Variants in RBFOX1 observed in about 807,000 individuals in gnomAD.
RBFOX1 encodes RNA binding fox-1 homolog 1.
In RBFOX1, 8 loss-of-function variants were observed where a neutral mutation model predicts 57.7. That is an observed-to-expected ratio of 0.14 (90% CI 0.08 to 0.25). The LOEUF is 0.25. Among genes scored for constraint, RBFOX1 ranks in the 10% least tolerant of loss-of-function variants. The pLI is 1.00. For synonymous variants in RBFOX1, 326 were observed against 222.4 expected (o/e 1.47, Z -4.15); for missense variants, 611 against 548.5 (o/e 1.11, Z -1.14).
At chr16:6,256,137 A>ATG (rs368753663) in intron 1 of RBFOX1, among the ~76,000 whole-genome samples, 10,502 of 47,132 alleles carry the variant, frequency 0.22, 2,986 homozygotes, top group East Asian at 0.39. Flanking sequence ...ATATATATAT[A>ATG]TGTGTGTATA....
In RBFOX1 at chr16:6,415,655, A is replaced by T. The variant is rs11865693; in HGVS notation, c.-64+98598A>T. Among the ~76,000 whole-genome samples, 364 of 152,032 alleles carry T rather than the reference A, an allele frequency of 2.4e-3. 2 individuals carry two copies. The highest frequency in any genetic ancestry group is 7.0e-3 in the African/African-American group (290 of 41,500). On this transcript the variant is annotated intron_variant, in intron 2 of 15. Transcript: ENST00000550418. ...GATGGAGGTTGCAGTGAGCTGAGAT[A>T]ACACCACTGCACTCTAGCCTGGGCA...
chr16:5,431,834 C>G (rs1277104355), intron 1 of RBFOX1, among the ~76,000 whole-genome samples: 1 of 152,178 alleles, frequency 6.6e-6, no homozygotes, highest in East Asian at 1.9e-4. Flanking sequence ...GTTTGTCCCC[C>G]TAACATCCAA....
chr16:6,010,847 AT>A (rs531646937), intron 4 of RBFOX1, among the ~76,000 whole-genome samples: 2 of 152,120 alleles, frequency 1.3e-5, no homozygotes, highest in African/African-American at 2.4e-5. Flanking sequence ...AGGGATTGTG[AT>A]TTTTTTTCTT....
chr16:7,471,087 A>T (rs1010276697), intron 4 of RBFOX1, among the ~76,000 whole-genome samples: 11 of 152,202 alleles, frequency 7.2e-5, no homozygotes, highest in Non-Finnish European at 1.3e-4. Context: ...GTTCTTCCCA[A>T]CCAGTCTCTC....
At chr16:5,680,482 C>T (rs2050298949) in intron 3 of RBFOX1, among the ~76,000 whole-genome samples, 1 of 152,202 alleles carries the variant, frequency 6.6e-6, no homozygotes, top group South Asian at 2.1e-4. Context: ...AAGACTGAGA[C>T]TCCCAGTGAG....
chr16:7,020,446 C>G (rs755957234), intron 3 of RBFOX1, among the ~76,000 whole-genome samples: 6 of 152,086 alleles, frequency 3.9e-5, no homozygotes, highest in Admixed American at 6.6e-5. Context: ...GTCTTGAACT[C>G]CTGATCTTGT....
chr16:7,595,828 A>G (rs1285186875), intron 8 of RBFOX1, among the ~76,000 whole-genome samples, 187 bp downstream of exon 8: 1 of 148,590 alleles, frequency 6.7e-6, no homozygotes, highest in Admixed American at 6.7e-5. Context: ...ATTTTACTTT[A>G]TTATGTTACT....
At chr16:7,031,350 C>T (rs1482949171) in intron 3 of RBFOX1, among the ~76,000 whole-genome samples, 1 of 152,072 alleles carries the variant, frequency 6.6e-6, no homozygotes, top group Admixed American at 6.5e-5. Flanking sequence ...AATCTCAGCA[C>T]TTTGGGAGGC....
intron 4 of RBFOX1, among the ~76,000 whole-genome samples, chr16:7,262,091 G>A (rs1208422611): frequency 2.6e-5 from 4 of 152,048 alleles, no homozygotes; most frequent in Non-Finnish European, 5.9e-5. Context: ...CCTTTTGCTG[G>A]GGGTACCATT....
At chr16:6,779,763 T>A (rs577561575) in intron 3 of RBFOX1, among the ~76,000 whole-genome samples, 5 of 11,800 alleles carry the variant, frequency 4.2e-4, no homozygotes, top group African/African-American at 1.4e-3. Flanking sequence ...TTTTATATAT[T>A]TATATATATA....
chr16:6,460,611 C>G (rs959516961), intron 2 of RBFOX1, among the ~76,000 whole-genome samples: 3 of 152,044 alleles, frequency 2.0e-5, no homozygotes, highest in African/African-American at 7.2e-5. Flanking sequence ...TGCTGGTGAG[C>G]TTGTAGATAA....
At chr16:7,040,931 G>A (rs373993953) in intron 3 of RBFOX1, among the ~76,000 whole-genome samples, 4 of 150,438 alleles carry the variant, frequency 2.7e-5, no homozygotes, top group Non-Finnish European at 4.4e-5. Flanking sequence ...TTTTTGCTGG[G>A]GGGGGAAGGA....
At chr16:7,583,596 T>A (rs1022461137) in intron 6 of RBFOX1, among the ~76,000 whole-genome samples, 1 of 152,212 alleles carries the variant, frequency 6.6e-6, no homozygotes. Flanking sequence ...CTTCACGGAA[T>A]TGTCAGAAAC....
chr16:7,196,410 C>A (rs569356711), intron 4 of RBFOX1, among the ~76,000 whole-genome samples: 1 of 152,168 alleles, frequency 6.6e-6, no homozygotes, highest in East Asian at 1.9e-4. Context: ...CTTAGCAGCA[C>A]AAAATCAAGA....
intron 4 of RBFOX1, among the ~76,000 whole-genome samples, chr16:5,977,070 CAG>C (rs2060078654): frequency 6.6e-6 from 1 of 152,140 alleles, no homozygotes; most frequent in Non-Finnish European, 1.5e-5. Context: ...TCTCCTGTCT[CAG>C]AGCCCAGGAA....
intron 2 of RBFOX1, among the ~76,000 whole-genome samples, chr16:6,343,015 C>G (rs1040060641): frequency 6.6e-6 from 1 of 152,234 alleles, no homozygotes; most frequent in Non-Finnish European, 1.5e-5. Flanking sequence ...ATACGAAACT[C>G]CATCTGATAG....
intron 4 of RBFOX1, among the ~76,000 whole-genome samples, chr16:7,330,911 TGTG>T (rs1432661233): frequency 1.3e-5 from 2 of 152,108 alleles, no homozygotes; most frequent in Non-Finnish European, 2.9e-5. Context: ...TTCTCAGAAA[TGTG>T]GTGTTGAAAG....
intron 5 of RBFOX1, among the ~76,000 whole-genome samples, chr16:7,552,366 C>A (rs958503136): frequency 6.6e-6 from 1 of 152,152 alleles, no homozygotes; most frequent in Non-Finnish European, 1.5e-5. Context: ...CATTTTACAT[C>A]TAGAGGCAAA....
intron 3 of RBFOX1, among the ~76,000 whole-genome samples, chr16:6,823,768 T>C (rs544847067): frequency 6.6e-6 from 1 of 152,302 alleles, no homozygotes; most frequent in East Asian, 1.9e-4. Flanking sequence ...GCCACTGTTC[T>C]AGTTGTTGCA....
Sources: allele counts gnomAD v4.1 joint callset (sites outside exome capture counted in the v4.1 genomes callset), GRCh38; gene constraint gnomAD v4.1.1; transcripts MANE v1.5; gene names NCBI Gene and HGNC (gene_info 2026-07-23, HGNC 2026-07-21).